PTPRT: variants seen among roughly 807,000 people sequenced by gnomAD.
The protein encoded by PTPRT is receptor-type tyrosine-protein phosphatase T.
A neutral mutation model predicts 176.8 loss-of-function variants in PTPRT; 56 were observed. That is an observed-to-expected ratio of 0.32 (90% confidence interval 0.26 to 0.40). PTPRT has a LOEUF of 0.40. Ranked by LOEUF, PTPRT falls within the 10% of genes least tolerant of loss-of-function variation. The pLI, the probability that PTPRT is intolerant of heterozygous loss-of-function variation, is 1.00. For synonymous variants in PTPRT, 783 were observed against 739.0 expected (o/e 1.06, Z -0.96); for missense variants, 1,540 against 1,908.2 (o/e 0.81, Z 3.60).
In PTPRT at chr20:42,756,570, T is replaced by C. The variant is rs903818364; in HGVS notation, c.751A>G (p.Thr251Ala). 3.1e-6 allele frequency: 5 copies of C among 1,612,824 alleles called. No homozygotes were observed. The highest frequency in any genetic ancestry group is 1.3e-5 in the African/African-American group (1 of 74,922). The change falls in exon 6 of 31, where the codon ACA becomes GCA. Residue 251 changes from threonine to alanine, a missense_variant. By Grantham distance (58) the Thr-to-Ala change is moderately conservative (BLOSUM62 0). This residue lies in a region of PTPRT where 273 missense variants were observed against 432.1 expected (regional missense o/e 0.63). Coordinates refer to ENST00000373187, the MANE Select transcript of PTPRT (RefSeq NM_007050.6). Reference protein sequence around the residue: ...RVVNHRRFSATVSVADTAQRS... With the variant: ...RVVNHRRFSAAVSVADTAQRS... Reference sequence around the variant, plus strand: ...TGGGCAGTGTCTGCCACACTGACTGTGGCTGAGAAGCGCCTGTGGTTGACC... The same window carrying C: ...TGGGCAGTGTCTGCCACACTGACTGCGGCTGAGAAGCGCCTGTGGTTGACC...
intron 1 of PTPRT, among the ~76,000 whole-genome samples, chr20:43,073,945 G>C (rs2011218099): frequency 1.3e-5 from 2 of 151,894 alleles, no homozygotes; most frequent in South Asian, 4.2e-4. Flanking sequence ...GTAGAGACAG[G>C]GTCTCACTAT....
intron 1 of PTPRT, among the ~76,000 whole-genome samples, chr20:42,886,634 C>T (rs1331980316): frequency 6.6e-6 from 1 of 152,216 alleles, no homozygotes; most frequent in Non-Finnish European, 1.5e-5. Context: ...TTTAAAGCTT[C>T]TCCCTTTAAC....
intron 1 of PTPRT, among the ~76,000 whole-genome samples, chr20:43,064,493 G>A (rs952158921): frequency 6.6e-6 from 1 of 152,162 alleles, no homozygotes; most frequent in Non-Finnish European, 1.5e-5. Flanking sequence ...TCCATTAAAT[G>A]ATTTCAAATT....
At chr20:42,453,065 C>G (rs548071016) in intron 8 of PTPRT, among the ~76,000 whole-genome samples, 1 of 152,264 alleles carries the variant, frequency 6.6e-6, no homozygotes, top group African/African-American at 2.4e-5. Context: ...CAGTATTTCT[C>G]TATCGCATTA....
intron 1 of PTPRT, among the ~76,000 whole-genome samples, chr20:42,984,430 C>T (rs1329260695): frequency 6.6e-6 from 1 of 152,202 alleles, no homozygotes; most frequent in Non-Finnish European, 1.5e-5. Context: ...TACAGCTCTC[C>T]ACTTTCTGTA....
intron 1 of PTPRT, among the ~76,000 whole-genome samples, chr20:42,943,174 A>G (rs1980674271): frequency 6.6e-6 from 1 of 152,226 alleles, no homozygotes; most frequent in Admixed American, 6.5e-5. Context: ...ATCCAGGCAG[A>G]CAGAAGCCGA....
chr20:42,124,664 G>A (rs190378029), intron 19 of PTPRT, among the ~76,000 whole-genome samples: 8 of 152,314 alleles, frequency 5.3e-5, no homozygotes, highest in Admixed American at 2.0e-4. Flanking sequence ...TGGAGACCAG[G>A]GTGATGGAGT....
intron 14 of PTPRT, 61 bp downstream of exon 14, chr20:42,248,626 C>T (rs539615202): frequency 1.3e-6 from 2 of 1,586,176 alleles, no homozygotes; most frequent in East Asian, 2.3e-5. Context: ...AACCTGGCCA[C>T]ACAGCAGTGT....
chr20:42,085,848 A>G lies in PTPRT; in HGVS notation c.3852T>C (p.Cys1284=). 2 of 1,611,952 alleles carry G rather than the reference A, an allele frequency of 1.2e-6. No individual in the cohort carries two copies. The highest frequency in any genetic ancestry group is 1.7e-6 in the Non-Finnish European group (2 of 1,177,916). Residue 1284 remains cysteine, a synonymous_variant, in exon 28 of 31, where the codon TGT becomes TGC. Coordinates refer to ENST00000373187, the MANE Select transcript of PTPRT (RefSeq NM_007050.6). The part of the protein sequence containing the change: ...MLNEMDTAQF[C]MQYWPEKTSG... ...AGGTCTTCTCAGGCCAGTACTGCATACAGAACTGAGATAAGGAAAGAGGTC... is the reference window on the plus strand; with the variant it reads ...AGGTCTTCTCAGGCCAGTACTGCATGCAGAACTGAGATAAGGAAAGAGGTC...
At chr20:42,837,947 G>A (rs369789558) in intron 2 of PTPRT, among the ~76,000 whole-genome samples, 1 of 152,288 alleles carries the variant, frequency 6.6e-6, no homozygotes, top group East Asian at 1.9e-4. Context: ...CTGTCCTTTC[G>A]GAGAAGTAAG....
At chr20:42,637,671 C>T (rs1390652209) in intron 7 of PTPRT, among the ~76,000 whole-genome samples, 1 of 151,970 alleles carries the variant, frequency 6.6e-6, no homozygotes, top group African/African-American at 2.4e-5. Flanking sequence ...ATTTATTTAC[C>T]GATTGTCAGC....
intron 2 of PTPRT, among the ~76,000 whole-genome samples, chr20:42,829,065 G>A (rs1187125176): frequency 6.6e-6 from 1 of 152,094 alleles, no homozygotes; most frequent in Non-Finnish European, 1.5e-5. Context: ...CATCCAGAAG[G>A]GGGGCTATAC....
intron 1 of PTPRT, among the ~76,000 whole-genome samples, chr20:42,908,948 G>C (rs1033442776): frequency 6.6e-6 from 1 of 152,156 alleles, no homozygotes; most frequent in African/African-American, 2.4e-5. Context: ...CTTGAGGCCA[G>C]GAGTTAGAGA....
chr20:42,114,881 G>A (rs570943579), intron 22 of PTPRT, among the ~76,000 whole-genome samples: 1 of 152,028 alleles, frequency 6.6e-6, no homozygotes, highest in South Asian at 2.1e-4. Context: ...CTGCCCAAAT[G>A]CCTCCTCTGC....
At chr20:42,102,954 C>T (rs1986088772) in intron 25 of PTPRT, among the ~76,000 whole-genome samples, 1 of 152,222 alleles carries the variant, frequency 6.6e-6, no homozygotes, top group African/African-American at 2.4e-5. Flanking sequence ...ATCCTTCCCT[C>T]ATTCAGCTCT....
chr20:42,067,716 C>A, the PTPRT span, among the ~76,000 whole-genome samples: 2 of 152,124 alleles, frequency 1.3e-5, no homozygotes, highest in African/African-American at 2.4e-5. Context: ...CCATGAATCA[C>A]TTTACATCAA....
rs537288493 is a variant in PTPRT, at chr20:42,663,719, C to T, written c.1153+14147G>A. Among the ~76,000 whole-genome samples the T allele has an allele frequency of 4.6e-5, 7 of 152,286 alleles. No homozygotes were observed. The South Asian group carries it at 1.5e-3, about 32-fold the overall frequency. ...AACTGACACAGTAATTACTTACACT[C>T]GTGGTTTTGTAGGCTCTTTTTTTTA... On this transcript the variant is annotated intron_variant, in intron 7 of 30. Transcript: ENST00000373187.
intron 1 of PTPRT, among the ~76,000 whole-genome samples, chr20:43,052,870 C>T (rs1400852873): frequency 6.6e-6 from 1 of 152,176 alleles, no homozygotes; most frequent in Non-Finnish European, 1.5e-5. Context: ...TCTGGCATTT[C>T]TTTGCTAAGT....
intron 16 of PTPRT, among the ~76,000 whole-genome samples, chr20:42,190,160 C>G (rs771019836): frequency 3.9e-5 from 6 of 152,160 alleles, no homozygotes; most frequent in African/African-American, 1.4e-4. Context: ...TCAATTTAAT[C>G]TTGGAGCAAC....
Sources: gnomAD v4.1 joint callset for allele counts (sites outside exome capture counted in the v4.1 genomes callset) on GRCh38, gnomAD v4.1.1 for gene constraint, gnomAD v4.1.1 regional missense constraint, MANE v1.5 for transcripts, NCBI Gene and HGNC (gene_info 2026-07-23, HGNC 2026-07-21) for gene names.